KDM5A: variants seen among roughly 807,000 people sequenced by gnomAD.
KDM5A encodes lysine demethylase 5A.
In KDM5A, 42 loss-of-function variants were observed where a neutral mutation model predicts 193.5. That is an observed-to-expected ratio of 0.22 (90% CI 0.17 to 0.28). The LOEUF (loss-of-function observed/expected upper bound fraction) is 0.28. Ranked by LOEUF, KDM5A falls within the 10% of genes least tolerant of loss-of-function variation. The pLI is 1.00. For synonymous variants in KDM5A, 796 were observed against 718.1 expected (o/e 1.11, Z -1.73); for missense variants, 1,692 against 2,055.1 (o/e 0.82, Z 3.42).
chr12:305,346 T>C (rs967110318), intron 24 of KDM5A, among the ~76,000 whole-genome samples: 3 of 152,344 alleles, frequency 2.0e-5, no homozygotes, highest in East Asian at 1.9e-4. Flanking sequence ...TTAAGTCACA[T>C]AACTGAAAAT....
chr12:325,021 T>C (rs1232736090), intron 14 of KDM5A, among the ~76,000 whole-genome samples: 3 of 152,240 alleles, frequency 2.0e-5, no homozygotes, highest in Admixed American at 1.3e-4. Context: ...ACTCTCTTCA[T>C]GTAAACAAGG....
In KDM5A at chr12:286,111, A is replaced by G. The variant is rs1591893222; in HGVS notation, c.4867-449T>C. On this transcript the variant is annotated intron_variant, in intron 27 of 27. Coordinates refer to ENST00000399788, the MANE Select transcript of KDM5A (RefSeq NM_001042603.3). ...TTTCAAAGAGATAAGCCAAAGTACTAAGAGCATTAAATACCTTTTTAGAAA... is the reference window on the plus strand; with the variant it reads ...TTTCAAAGAGATAAGCCAAAGTACTGAGAGCATTAAATACCTTTTTAGAAA... 4 of 478,266 alleles carry G rather than the reference A, an allele frequency of 8.4e-6. No individual in the cohort carries two copies. In the East Asian group the frequency reaches 2.5e-4, roughly 30 times the overall value. The allele number at this position is 478,266 out of a possible 1,614,324, so 29.6% of individuals were successfully genotyped here.
At chr12:349,473 G>A (rs1040309426) in intron 10 of KDM5A, among the ~76,000 whole-genome samples, 6 of 151,708 alleles carry the variant, frequency 4.0e-5, no homozygotes, top group African/African-American at 1.5e-4. Flanking sequence ...GGGATTACAG[G>A]CGCCCACCAC....
chr12:340,694 C>CAAAAAAA (rs375465074), intron 10 of KDM5A, among the ~76,000 whole-genome samples: 30 of 51,070 alleles, frequency 5.9e-4, no homozygotes, highest in South Asian at 3.1e-3. Flanking sequence ...GACTCCATCA[C>CAAAAAAA]AAAAAAAAAA....
chr12:321,621 T>C (rs1420320552), intron 17 of KDM5A, among the ~76,000 whole-genome samples: 1 of 152,232 alleles, frequency 6.6e-6, no homozygotes, highest in Non-Finnish European at 1.5e-5. Context: ...ATAAAAAATT[T>C]ACAAAGTAAT....
At chr12:287,288 A>C (rs930364831) in intron 27 of KDM5A, among the ~76,000 whole-genome samples, 7 of 152,174 alleles carry the variant, frequency 4.6e-5, no homozygotes, top group African/African-American at 1.7e-4. Context: ...CCAGAAGCTT[A>C]CATTTTTAAT....
At chr12:378,027 G>A (rs1398088907) in intron 3 of KDM5A, among the ~76,000 whole-genome samples, 2 of 152,160 alleles carry the variant, frequency 1.3e-5, no homozygotes, top group East Asian at 3.8e-4. Flanking sequence ...TACACTAGAA[G>A]GGGATGACGG....
chr12:313,272 T>C, intron 19 of KDM5A, 78 bp from the exon 20 acceptor site: 1 of 1,503,974 alleles, frequency 6.6e-7, no homozygotes. Context: ...TTAGAGAACT[T>C]TCATTTACAT....
At chr12:387,226 CA>C (rs201508413) in intron 1 of KDM5A, 67,220 of 279,538 alleles carry the variant, frequency 0.24, 1,013 homozygotes, top group East Asian at 0.44. Context: ...GTTGAGTAGT[CA>C]AAAAAAAAAA....
chr12:372,505 G>T (rs796430176), intron 3 of KDM5A, among the ~76,000 whole-genome samples: 1 of 152,164 alleles, frequency 6.6e-6, no homozygotes, highest in Admixed American at 6.5e-5. Flanking sequence ...AGATGATGGG[G>T]TTTTCTAAAT....
chr12:383,788 G>T (rs1387830035), intron 3 of KDM5A, among the ~76,000 whole-genome samples: 1 of 149,146 alleles, frequency 6.7e-6, no homozygotes, highest in Non-Finnish European at 1.5e-5. Context: ...TGCTCTTGTT[G>T]CCCAGGCTGT....
chr12:377,240 A>G (rs950123102), intron 3 of KDM5A, among the ~76,000 whole-genome samples: 10 of 152,346 alleles, frequency 6.6e-5, no homozygotes, highest in African/African-American at 2.4e-4. Flanking sequence ...GCTATAGGTA[A>G]GTAAACTAAA....
intron 10 of KDM5A, among the ~76,000 whole-genome samples, chr12:336,135 G>C (rs1030558077): frequency 6.6e-6 from 1 of 150,592 alleles, no homozygotes; most frequent in Non-Finnish European, 1.5e-5. Flanking sequence ...ATGGCAGGCA[G>C]ATGACTTCAG....
At chr12:356,851 T>C (rs1156763636) in intron 5 of KDM5A, among the ~76,000 whole-genome samples, 2 of 152,216 alleles carry the variant, frequency 1.3e-5, no homozygotes, top group East Asian at 3.8e-4. Context: ...ACCGGACACC[T>C]GTATTTGATT....
chr12:307,907 T>C lies in KDM5A; in HGVS notation c.3477A>G (p.Glu1159=), dbSNP rs1943532025. The C allele has an allele frequency of 6.2e-7, 1 of 1,614,050 alleles. No homozygotes were observed. Among genetic ancestry groups the C allele is most frequent in the Non-Finnish European group, 8.5e-7 (1 of 1,180,030 alleles). The change falls in exon 23 of 28, where the codon GAA becomes GAG. Residue 1159 remains glutamate, a synonymous_variant. Coordinates refer to ENST00000399788, the MANE Select transcript of KDM5A (RefSeq NM_001042603.3). This position sits in a 1 kb window ranked among gnomAD's most constrained non-coding sequence, Gnocchi z 4.3. Reference sequence around the variant, plus strand: ...TGCGGCAAATGCAAAATTTTACTTCTTCTATGCGGTCCACCATTGTCATCT... The same window carrying C: ...TGCGGCAAATGCAAAATTTTACTTCCTCTATGCGGTCCACCATTGTCATCT... ...LAKMTMVDRI[E]EVKFCICRKT... is the part of the protein sequence containing the mutation.
intron 3 of KDM5A, among the ~76,000 whole-genome samples, chr12:380,437 C>T (rs772484767): frequency 6.6e-6 from 1 of 152,068 alleles, no homozygotes; most frequent in Non-Finnish European, 1.5e-5. Flanking sequence ...AAAGATTGGC[C>T]GGGCACAGTG....
At chr12:292,631 C>T (rs1418489103) in intron 27 of KDM5A, 128 bp downstream of exon 27, 3 of 1,153,378 alleles carry the variant, frequency 2.6e-6, no homozygotes, top group Non-Finnish European at 3.8e-6. Context: ...AGAAATTGTA[C>T]AAAAGACATT....
chr12:381,562 G>T (rs1488252662), intron 3 of KDM5A, among the ~76,000 whole-genome samples: 1 of 147,612 alleles, frequency 6.8e-6, no homozygotes, highest in Non-Finnish European at 1.5e-5. Context: ...TATCCTAATA[G>T]TTCCCTATAA....
intron 3 of KDM5A, among the ~76,000 whole-genome samples, chr12:373,303 T>C (rs1323075420): frequency 2.6e-5 from 4 of 152,246 alleles, no homozygotes; most frequent in Admixed American, 1.3e-4. Context: ...ATTCAACTTC[T>C]TCCTGGTTTA....
Sources: gnomAD v4.1 joint callset for allele counts (sites outside exome capture counted in the v4.1 genomes callset) on GRCh38, gnomAD v4.1.1 for gene constraint, Gnocchi (gnomAD v3.1) non-coding constraint, MANE v1.5 for transcripts, NCBI Gene and HGNC (gene_info 2026-07-23, HGNC 2026-07-21) for gene names.